The following APBB1IP variants were observed in gnomAD, a reference collection of about 807,000 sequenced individuals.
The protein encoded by APBB1IP is amyloid beta precursor protein binding family B member 1 interacting protein, also known as amyloid beta A4 precursor protein-binding family B member 1-interacting protein.
APBB1IP carries 27 observed loss-of-function variants against 64.9 expected under a neutral mutation model. The ratio of observed to expected loss-of-function variants is 0.42; its 90% CI spans 0.31 to 0.57. The LOEUF is 0.57. Among genes scored for constraint, APBB1IP ranks in the 20% least tolerant of loss-of-function variants. The pLI is 0.20. For synonymous variants in APBB1IP, 392 were observed against 331.0 expected, an observed-to-expected ratio of 1.18 and a Z score of -2.00; for missense variants, 812 against 845.5, an observed-to-expected ratio of 0.96 and a Z score of 0.49.
rs1215510297 is a variant in APBB1IP at position 26,567,422 on chromosome 10, C to G, written c.1935C>G (p.Gly645=). Residue 645 remains glycine, a synonymous_variant, in exon 15 of 15, where the codon GGC becomes GGG. Transcript: ENST00000376236. ...CAGGGCACCCCGGCGGAGCAGGAGG[C>G]GGGGAGCAAGATTTCATGTCAGACC... ...ENPGHPGGAG[G]GEQDFMSDLM... is the part of the protein sequence containing the mutation. 2 of 1,606,240 alleles carry G rather than the reference C, an allele frequency of 1.2e-6. No individual in the cohort carries two copies. The highest frequency in any genetic ancestry group is 1.7e-6 in the Non-Finnish European group (2 of 1,175,010).
chr10:26,539,344 C>G (rs1341901653), intron 10 of APBB1IP, among the ~76,000 whole-genome samples: 3 of 144,574 alleles, frequency 2.1e-5, no homozygotes, highest in Non-Finnish European at 4.5e-5. Flanking sequence ...CCCGGGAGGT[C>G]AAGACTTCAG....
At chr10:26,524,240 G>C (rs1836441951) in intron 8 of APBB1IP, among the ~76,000 whole-genome samples, 1 of 151,962 alleles carries the variant, frequency 6.6e-6, no homozygotes, top group African/African-American at 2.4e-5. Flanking sequence ...CCCCTGGAAG[G>C]TCCTCCTGTG....
intron 8 of APBB1IP, among the ~76,000 whole-genome samples, chr10:26,518,116 G>C (rs1836355176): frequency 1.3e-5 from 2 of 152,030 alleles, no homozygotes; most frequent in South Asian, 2.1e-4. Flanking sequence ...CACCATGCCT[G>C]GCTAATTTTT....
At chr10:26,559,622 C>CTT (rs368290752) in intron 11 of APBB1IP, among the ~76,000 whole-genome samples, 29 of 135,180 alleles carry the variant, frequency 2.1e-4, no homozygotes, top group Admixed American at 9.0e-4. Flanking sequence ...TTCTTTCTTT[C>CTT]TTTTTTTTTT....
At position 26,566,990 on chromosome 10, in the gene APBB1IP, C is replaced by A. The variant is rs755585339; in HGVS notation, c.1503C>A (p.His501Gln). ...AGAAGCCAGCCCTCGGGAACCACCA[C>A]GACCCGGCAGTGCCCCGGGCCCCGC... ...KDKKPALGNH[H>Q]DPAVPRAPHA... Residue 501 changes from histidine (H) to glutamine (Q), a missense_variant, in exon 15 of 15, where the codon CAC (histidine) becomes CAA (glutamine). His to Gln is a conservative substitution (Grantham distance 24, BLOSUM62 0). Coordinates refer to ENST00000376236, the MANE Select transcript of APBB1IP (RefSeq NM_019043.4). 1 of 1,581,172 alleles carries A rather than the reference C, an allele frequency of 6.3e-7. No homozygotes were observed. Among genetic ancestry groups the A allele is most frequent in the Non-Finnish European group, 8.5e-7 (1 of 1,172,534 alleles).
At chr10:26,459,558 T>C (rs1835566578) in intron 2 of APBB1IP, among the ~76,000 whole-genome samples, 1 of 152,192 alleles carries the variant, frequency 6.6e-6, no homozygotes, top group South Asian at 2.1e-4. Flanking sequence ...CCACCAACAG[T>C]GTAAAAGTGT....
chr10:26,443,787 T>C (rs985469348), intron 2 of APBB1IP, among the ~76,000 whole-genome samples: 16 of 152,264 alleles, frequency 1.1e-4, no homozygotes, highest in African/African-American at 3.9e-4. Context: ...TCCTTCCACC[T>C]CGGGCTCTCA....
intron 10 of APBB1IP, among the ~76,000 whole-genome samples, chr10:26,536,865 C>T (rs754124469): frequency 2.6e-5 from 4 of 152,062 alleles, no homozygotes; most frequent in Non-Finnish European, 4.4e-5. Flanking sequence ...CCTCACTCAG[C>T]CTTCCAAAGT....
Position 26,466,656 on chromosome 10 carries a change from C to T in APBB1IP, c.1-25671C>T, listed in dbSNP as rs537925156. Among the ~76,000 whole-genome samples, 6 of 152,232 alleles carry T rather than the reference C, an allele frequency of 3.9e-5. No individual in the cohort carries two copies. The South Asian group carries it at 1.2e-3, about 32-fold the overall frequency. ...GCCCCACAAAAAATTTAAAGATTAG[C>T]CAGGCATGGTGGTACATACCTGTAG... On this transcript the variant is annotated intron_variant, in intron 2 of 14. Transcript: ENST00000376236.
intron 2 of APBB1IP, among the ~76,000 whole-genome samples, chr10:26,474,829 G>A (rs1835757469): frequency 6.6e-6 from 1 of 152,178 alleles, no homozygotes; most frequent in African/African-American, 2.4e-5. Flanking sequence ...ACTTCAGCCT[G>A]TTTATTAAGT....
chr10:26,475,840 T>C (rs1280238951), intron 2 of APBB1IP, among the ~76,000 whole-genome samples: 3 of 152,200 alleles, frequency 2.0e-5, no homozygotes, highest in Non-Finnish European at 2.9e-5. Context: ...CTCTGTTTTT[T>C]GTTTGTTTGT....
At chr10:26,552,634 G>GA (rs145986618) in intron 11 of APBB1IP, among the ~76,000 whole-genome samples, 12 of 139,086 alleles carry the variant, frequency 8.6e-5, no homozygotes, top group Admixed American at 5.1e-4. Flanking sequence ...AAGAAGGAAA[G>GA]AAAAAAAAAA....
chr10:26,540,425 C>A (rs918689780), intron 10 of APBB1IP, among the ~76,000 whole-genome samples: 2 of 151,994 alleles, frequency 1.3e-5, no homozygotes, highest in African/African-American at 4.8e-5. Flanking sequence ...TACTACCAAA[C>A]TATTAACTAT....
intron 9 of APBB1IP, among the ~76,000 whole-genome samples, chr10:26,534,966 A>C (rs1836601833): frequency 6.6e-6 from 1 of 152,228 alleles, no homozygotes; most frequent in South Asian, 2.1e-4. Context: ...AATATTTTCC[A>C]GCTCTACTAC....
chr10:26,469,632 C>T (rs919293605), intron 2 of APBB1IP, among the ~76,000 whole-genome samples: 5 of 152,018 alleles, frequency 3.3e-5, no homozygotes, highest in African/African-American at 4.8e-5. Flanking sequence ...TCATTGGATA[C>T]GTGTACAAGT....
At chr10:26,502,566 C>T (rs1305180803) in intron 5 of APBB1IP, among the ~76,000 whole-genome samples, 1 of 151,364 alleles carries the variant, frequency 6.6e-6, no homozygotes, top group Non-Finnish European at 1.5e-5. Flanking sequence ...GGGGTGAACC[C>T]AGGAGGCGGA....
chr10:26,545,565 C>A (rs1836750366), intron 11 of APBB1IP, among the ~76,000 whole-genome samples: 1 of 152,092 alleles, frequency 6.6e-6, no homozygotes. Context: ...TCGAGACCAT[C>A]CTGGCTAACA....
At chr10:26,495,466 G>A (rs1177512828) in intron 3 of APBB1IP, among the ~76,000 whole-genome samples, 1 of 151,098 alleles carries the variant, frequency 6.6e-6, no homozygotes, top group African/African-American at 2.4e-5. Flanking sequence ...TATTGTTACT[G>A]TAAGGCAAGA....
At chr10:26,548,385 T>C (rs904520132) in intron 11 of APBB1IP, among the ~76,000 whole-genome samples, 3 of 143,680 alleles carry the variant, frequency 2.1e-5, no homozygotes, top group African/African-American at 5.1e-5. Context: ...CCCCTTCCTG[T>C]GTCCATGTGT....
Sources: allele counts gnomAD v4.1 joint callset (sites outside exome capture counted in the v4.1 genomes callset), GRCh38; gene constraint gnomAD v4.1.1; transcripts MANE v1.5; gene names NCBI Gene and HGNC (gene_info 2026-07-23, HGNC 2026-07-21).